Variants in GRIP1 observed in about 807,000 individuals in gnomAD.
GRIP1 encodes the protein glutamate receptor-interacting protein 1.
A neutral mutation model predicts 129.9 loss-of-function variants in GRIP1; 45 were observed. That is an observed-to-expected ratio of 0.35 (90% confidence interval 0.27 to 0.44). GRIP1 has a LOEUF of 0.44. Among genes scored for constraint, GRIP1 ranks in the 20% least tolerant of loss-of-function variants. The pLI is 1.00. For synonymous variants in GRIP1, 530 were observed against 520.8 expected (o/e 1.02, Z -0.24); for missense variants, 1,196 against 1,396.8 (o/e 0.86, Z 2.29).
At chr12:66,790,598 T>C (rs1417941553) in intron 1 of GRIP1, among the ~76,000 whole-genome samples, 1 of 152,094 alleles carries the variant, frequency 6.6e-6, no homozygotes. Context: ...ATAGAAAACT[T>C]AGATAACGTA....
intron 2 of GRIP1, among the ~76,000 whole-genome samples, chr12:66,555,290 C>T (rs972423646): frequency 1.3e-5 from 2 of 152,126 alleles, no homozygotes; most frequent in Admixed American, 6.5e-5. Flanking sequence ...GGATCTTATC[C>T]AAAACCACCA....
At chr12:66,824,730 T>C (rs1224228400) in intron 1 of GRIP1, among the ~76,000 whole-genome samples, 2 of 152,196 alleles carry the variant, frequency 1.3e-5, no homozygotes, top group African/African-American at 4.8e-5. Flanking sequence ...CTAAATTTCA[T>C]AGTTCAGAGC....
intron 1 of GRIP1, among the ~76,000 whole-genome samples, chr12:66,994,925 C>T (rs1253488472): frequency 6.6e-6 from 1 of 151,970 alleles, no homozygotes; most frequent in African/African-American, 2.4e-5. Context: ...AGGATTTAGA[C>T]TTCCTGATTT....
chr12:66,670,028 G>A (rs1400411823), intron 1 of GRIP1, among the ~76,000 whole-genome samples: 2 of 152,106 alleles, frequency 1.3e-5, no homozygotes, highest in African/African-American at 4.8e-5. Flanking sequence ...AACCAATGAA[G>A]TCTACTCTTC....
chr12:66,666,621 A>G (rs755731352), intron 1 of GRIP1, among the ~76,000 whole-genome samples: 1 of 152,142 alleles, frequency 6.6e-6, no homozygotes, highest in Non-Finnish European at 1.5e-5. Flanking sequence ...ACTCTACTAT[A>G]TAACTGCTAT....
In GRIP1 at chr12:67,045,725, T is replaced by C. The variant is rs560212304; in HGVS notation, c.58+23325A>G. Among the ~76,000 whole-genome samples the C allele has an allele frequency of 2.0e-5, 3 of 152,284 alleles. 1 individual carries two copies. In the South Asian group the frequency reaches 6.2e-4, roughly 32 times the overall value. ...AATAAAAAGATGCTTGGAGTGGCAG[T>C]GGGGCAGTCCAGACCACCCTGGAAG... On this transcript the variant is annotated intron_variant, in intron 1 of 1. Transcript: ENST00000643019.
At chr12:67,008,760 T>C (rs1592460728) in intron 1 of GRIP1, among the ~76,000 whole-genome samples, 1 of 152,182 alleles carries the variant, frequency 6.6e-6, no homozygotes. Flanking sequence ...AAACTATAGA[T>C]GCTATTAATT....
intron 1 of GRIP1, among the ~76,000 whole-genome samples, chr12:66,810,097 G>A (rs1021620318): frequency 1.3e-5 from 2 of 152,134 alleles, no homozygotes. Flanking sequence ...TTTGAGAGGG[G>A]ATCAGAAGCC....
At chr12:66,946,618 T>C (rs1566089908) in intron 1 of GRIP1, among the ~76,000 whole-genome samples, 1 of 151,826 alleles carries the variant, frequency 6.6e-6, no homozygotes, top group Non-Finnish European at 1.5e-5. Flanking sequence ...CAGGGCCCCC[T>C]TGCCAGAGCT....
chr12:66,527,341 C>T (rs2139064351), intron 5 of GRIP1, among the ~76,000 whole-genome samples: 1 of 152,120 alleles, frequency 6.6e-6, no homozygotes, highest in Non-Finnish European at 1.5e-5. Context: ...GAATACTATG[C>T]AGCCATAAAA....
chr12:66,985,611 C>G (rs1179995747), intron 1 of GRIP1, among the ~76,000 whole-genome samples: 2 of 152,112 alleles, frequency 1.3e-5, no homozygotes, highest in East Asian at 3.9e-4. Context: ...CTATTGGGAA[C>G]AGTTAGAGAA....
At chr12:66,996,130 G>GT (rs1457794609) in intron 1 of GRIP1, among the ~76,000 whole-genome samples, 2 of 151,960 alleles carry the variant, frequency 1.3e-5, no homozygotes, top group Admixed American at 6.6e-5. Context: ...TTGTCTAGGG[G>GT]TAGAGACTTT....
At chr12:66,730,118 T>C (rs1277552980) in intron 1 of GRIP1, among the ~76,000 whole-genome samples, 1 of 152,240 alleles carries the variant, frequency 6.6e-6, no homozygotes, top group African/African-American at 2.4e-5. Context: ...AGCCACTTGA[T>C]AGCTGTAAAA....
upstream of GRIP1, among the ~76,000 whole-genome samples, chr12:66,683,215 C>T (rs1035285116): frequency 6.6e-6 from 1 of 151,998 alleles, no homozygotes; most frequent in African/African-American, 2.4e-5. Context: ...TTATTATAAT[C>T]GGCCATTTTT....
rs991364008 is a variant in GRIP1 at position 66,979,235 on chromosome 12, A to C, written c.58+89815T>G. 4.4e-5 allele frequency among the ~76,000 whole-genome samples: 6 copies of C among 136,356 alleles called. No homozygotes were observed. The East Asian group carries it at 1.2e-3, about 28-fold the overall frequency. The allele number at this position is 136,356 out of a possible 152,430, so 89.5% of individuals were successfully genotyped here. A position where few individuals can be genotyped will look rare whatever the true frequency, so the allele number is the denominator to read the frequency against. ...AACTTCTCTTCTTAAAAAAAAAAAA[A>C]AAAAAAAAAAAAAAAAAAACAAGCC... is the stretch of plus-strand genomic sequence containing the variant. On this transcript the variant is annotated intron_variant, in intron 1 of 1. Coordinates refer to the GRIP1 transcript ENST00000643019.
intron 9 of GRIP1, 70 bp downstream of exon 9, chr12:66,462,850 GCTGT>G: frequency 9.7e-7 from 1 of 1,025,996 alleles, no homozygotes; most frequent in Admixed American, 1.8e-5. Context: ...GTGTCTTTCT[GCTGT>G]CTAACTCTGC....
At chr12:66,855,132 C>T (rs2137093121) in intron 1 of GRIP1, among the ~76,000 whole-genome samples, 1 of 152,050 alleles carries the variant, frequency 6.6e-6, no homozygotes, top group Non-Finnish European at 1.5e-5. Flanking sequence ...AACTACATTA[C>T]CAGGTCATTA....
At chr12:66,719,723 G>A (rs995196155) in intron 1 of GRIP1, among the ~76,000 whole-genome samples, 1 of 152,204 alleles carries the variant, frequency 6.6e-6, no homozygotes, top group Non-Finnish European at 1.5e-5. Context: ...CTCTAAGGAG[G>A]CCATTAGATT....
At chr12:66,396,544 G>A (rs963655737) in intron 16 of GRIP1, among the ~76,000 whole-genome samples, 1 of 152,174 alleles carries the variant, frequency 6.6e-6, no homozygotes, top group African/African-American at 2.4e-5. Flanking sequence ...AATGGCTTTA[G>A]GATAGTCTGT....
Sources: allele counts gnomAD v4.1 joint callset (sites outside exome capture counted in the v4.1 genomes callset), GRCh38; gene constraint gnomAD v4.1.1; transcripts MANE v1.5; gene names NCBI Gene and HGNC (gene_info 2026-07-23, HGNC 2026-07-21).